The following ANKS1B variants were observed in gnomAD, a reference collection of about 807,000 sequenced individuals.
ANKS1B encodes the protein ankyrin repeat and sterile alpha motif domain-containing protein 1B.
ANKS1B carries 36 observed loss-of-function variants against 148.3 expected under a neutral mutation model. That is an observed-to-expected ratio of 0.24 (90% CI 0.19 to 0.32). ANKS1B has a LOEUF of 0.32. ANKS1B is among the 10% of genes least tolerant of loss of function. The pLI is 1.00. For missense variants in ANKS1B, 1,157 were observed against 1,542.6 expected, an observed-to-expected ratio of 0.75 and a Z score of 4.19; for synonymous variants, 542 against 560.8, an observed-to-expected ratio of 0.97 and a Z score of 0.47.
intron 1 of ANKS1B, among the ~76,000 whole-genome samples, chr12:99,827,889 A>C (rs902683072): frequency 6.6e-6 from 1 of 152,182 alleles, no homozygotes; most frequent in Non-Finnish European, 1.5e-5. Flanking sequence ...ATCAAATCAT[A>C]CCATACAAAT....
intron 15 of ANKS1B, among the ~76,000 whole-genome samples, chr12:99,101,066 T>C (rs995498571): frequency 1.3e-5 from 2 of 152,072 alleles, no homozygotes; most frequent in African/African-American, 2.4e-5. Flanking sequence ...AGAAACGGTA[T>C]AGTGAGAGTG....
At chr12:99,631,197 T>C (rs1284889094) in intron 9 of ANKS1B, among the ~76,000 whole-genome samples, 1 of 152,138 alleles carries the variant, frequency 6.6e-6, no homozygotes, top group Non-Finnish European at 1.5e-5. Flanking sequence ...GGAACAAACT[T>C]ATCCAATCTT....
At chr12:99,230,928 T>C (rs891889296) in intron 14 of ANKS1B, among the ~76,000 whole-genome samples, 1 of 152,176 alleles carries the variant, frequency 6.6e-6, no homozygotes, top group Admixed American at 6.6e-5. Context: ...TGTGCTAATG[T>C]ATTCTACTAC....
intron 9 of ANKS1B, among the ~76,000 whole-genome samples, chr12:99,653,838 A>G (rs1256396276): frequency 6.6e-6 from 1 of 151,608 alleles, no homozygotes; most frequent in Non-Finnish European, 1.5e-5. Context: ...TTATTTTTGT[A>G]TTTTTTGTAG....
intron 9 of ANKS1B, among the ~76,000 whole-genome samples, chr12:99,644,235 A>G (rs2098337729): frequency 1.3e-5 from 2 of 152,108 alleles, no homozygotes; most frequent in Admixed American, 1.3e-4. Flanking sequence ...CCTTTCCTCC[A>G]GTTTTCAATA....
intron 13 of ANKS1B, among the ~76,000 whole-genome samples, chr12:99,246,037 T>C (rs2073833578): frequency 6.6e-6 from 1 of 152,188 alleles, no homozygotes; most frequent in African/African-American, 2.4e-5. Context: ...TTATTACTTC[T>C]GCTTGATATC....
chr12:99,584,664 AG>A, intron 9 of ANKS1B, among the ~76,000 whole-genome samples: 1 of 152,164 alleles, frequency 6.6e-6, no homozygotes, highest in Non-Finnish European at 1.5e-5. Flanking sequence ...TATAAAGGAA[AG>A]AGGTCTAATT....
At chr12:98,838,942 C>G (rs1370784072) in intron 17 of ANKS1B, among the ~76,000 whole-genome samples, 2 of 152,236 alleles carry the variant, frequency 1.3e-5, no homozygotes. Flanking sequence ...CTGAAAGCAT[C>G]AAGGCAAAAG....
intron 1 of ANKS1B, among the ~76,000 whole-genome samples, chr12:99,900,294 T>C (rs1360681966): frequency 1.3e-5 from 2 of 151,562 alleles, no homozygotes; most frequent in Admixed American, 1.3e-4. Flanking sequence ...GATCACAAGG[T>C]CAGGTGTTCG....
At chr12:98,839,074 G>C (rs1405879423) in intron 17 of ANKS1B, among the ~76,000 whole-genome samples, 1 of 152,166 alleles carries the variant, frequency 6.6e-6, no homozygotes, top group African/African-American at 2.4e-5. Flanking sequence ...TCCATGTCCA[G>C]CATGGGATGG....
rs1438225528 is a variant in ANKS1B, at chr12:99,548,023, T to C, written c.1273-43382A>G. ...AATTGTAGTTGATTGACAGTAATTA[T>C]AAACCTGCAACAGCAATAAAATTTG... On this transcript the variant is annotated intron_variant, in intron 9 of 26. Transcript: ENST00000683438. Among the ~76,000 whole-genome samples the C allele has an allele frequency of 3.9e-5, 6 of 152,322 alleles. No individual in the cohort carries two copies. The East Asian group carries it at 1.2e-3, about 29-fold the overall frequency.
intron 9 of ANKS1B, among the ~76,000 whole-genome samples, chr12:99,509,349 T>G (rs531327439): frequency 6.6e-6 from 1 of 151,914 alleles, no homozygotes; most frequent in Admixed American, 6.6e-5. Context: ...AGGCCTCTTG[T>G]GCCAAACAGC....
intron 17 of ANKS1B, among the ~76,000 whole-genome samples, chr12:99,000,617 A>C (rs1340053925): frequency 6.6e-6 from 1 of 152,196 alleles, no homozygotes; most frequent in African/African-American, 2.4e-5. Flanking sequence ...ATAAGAACAC[A>C]ACATGAGGTC....
chr12:99,165,745 T>C (rs749453962), intron 14 of ANKS1B, among the ~76,000 whole-genome samples: 2 of 151,878 alleles, frequency 1.3e-5, no homozygotes, highest in Non-Finnish European at 3.0e-5. Flanking sequence ...TTCCAGAAAG[T>C]TGAGGAGAGA....
intron 12 of ANKS1B, among the ~76,000 whole-genome samples, chr12:99,386,029 A>G (rs2093845612): frequency 6.6e-6 from 1 of 152,204 alleles, no homozygotes; most frequent in African/African-American, 2.4e-5. Context: ...TTAGCTTTCC[A>G]TAGTCAACTC....
At position 98,745,193 on chromosome 12, in the gene ANKS1B, A is replaced by G. The variant is rs938632729; in HGVS notation, c.*546T>C. On this transcript the variant is annotated 3_prime_UTR_variant, in exon 27 of 27. Coordinates refer to ENST00000683438, the MANE Select transcript of ANKS1B (RefSeq NM_001352186.2). ...AATCCACAAATATAGAAATGGGGAA[A>G]CAGAATCTCCTGGCAATCATATCAC... 1.0e-6 allele frequency: 1 copy of G among 985,670 alleles called. No individual in the cohort carries two copies. Among genetic ancestry groups the G allele is most frequent in the Admixed American group, 6.1e-5 (1 of 16,264 alleles). 61.1% of individuals were successfully genotyped at this position (985,670 alleles called of 1,614,324 possible). A position where few individuals can be genotyped will look rare whatever the true frequency, so the allele number is the denominator to read the frequency against.
At chr12:99,893,881 A>G (rs937747214) in intron 1 of ANKS1B, among the ~76,000 whole-genome samples, 3 of 152,014 alleles carry the variant, frequency 2.0e-5, no homozygotes, top group Non-Finnish European at 4.4e-5. Context: ...TCCTTATCCA[A>G]TCCACCACTG....
In ANKS1B at chr12:99,215,651, T is replaced by C. The variant is rs953036139; in HGVS notation, c.2419+28691A>G. ...ACTTTAAGGTTTAATGACCGCCCTATTGGATTTTGGACTTGCATGGGGCCT... is the reference window on the plus strand; with the variant it reads ...ACTTTAAGGTTTAATGACCGCCCTACTGGATTTTGGACTTGCATGGGGCCT... On this transcript the variant is annotated intron_variant, in intron 14 of 26. Transcript: ENST00000683438. 5.9e-5 allele frequency among the ~76,000 whole-genome samples: 9 copies of C among 152,230 alleles called. No individual in the cohort carries two copies. In the East Asian group the frequency reaches 1.2e-3, roughly 20 times the overall value.
chr12:98,917,334 C>T (rs2099795711), intron 17 of ANKS1B, among the ~76,000 whole-genome samples: 1 of 152,120 alleles, frequency 6.6e-6, no homozygotes, highest in Admixed American at 6.6e-5. Context: ...GGCTCCTTCC[C>T]CACCCTATGC....
Sources: gnomAD v4.1 joint callset for allele counts (sites outside exome capture counted in the v4.1 genomes callset) on GRCh38, gnomAD v4.1.1 for gene constraint, MANE v1.5 for transcripts, NCBI Gene and HGNC (gene_info 2026-07-23, HGNC 2026-07-21) for gene names.